KCNQ1: variants seen among roughly 807,000 people sequenced by gnomAD.
The protein encoded by KCNQ1 is potassium voltage-gated channel subfamily Q member 1, also known as potassium voltage-gated channel subfamily KQT member 1.
Under a neutral mutation model 72.4 loss-of-function variants are expected in KCNQ1, and 49 were observed. The observed-to-expected ratio is 0.68, with a 90% CI of 0.54 to 0.86. The LOEUF is 0.86. Ranked by LOEUF, KCNQ1 falls within the 40% of genes least tolerant of loss-of-function variation. The pLI is 0.00. For synonymous variants in KCNQ1, 450 were observed against 412.6 expected (o/e 1.09, Z -1.10); for missense variants, 790 against 945.1 (o/e 0.84, Z 2.15).
chr11:2,726,245 G>A (rs926002129), intron 11 of KCNQ1, among the ~76,000 whole-genome samples: 2 of 152,238 alleles, frequency 1.3e-5, no homozygotes, highest in South Asian at 2.1e-4. Flanking sequence ...CACGAGATGT[G>A]TGCTGACGTG....
Position 2,496,495 on chromosome 11 carries a change from C to CTTTTTTTTTTTTTTTTTTTTTTT in KCNQ1, c.387-31430_387-31408dup. Among the ~76,000 whole-genome samples, 52 of 29,844 alleles carry CTTTTTTTTTTTTTTTTTTTTTTT rather than the reference C, an allele frequency of 1.7e-3. 14 individuals carry two copies. The highest frequency in any genetic ancestry group is 2.1e-3 in the Admixed American group (3 of 1,438). The allele number at this position is 29,844 out of a possible 152,430, so 19.6% of individuals were successfully genotyped here. A position where few individuals can be genotyped will look rare whatever the true frequency, so the allele number is the denominator to read the frequency against. ...AAAATGGCTAGGATCACAACCCCTG[C>CTTTTTTTTTTTTTTTTTTTTTTT]TTTTTTTTTTTTTTTTTTTTTTTTT... On this transcript the variant is annotated intron_variant, in intron 1 of 15. Coordinates refer to ENST00000155840, the MANE Select transcript of KCNQ1 (RefSeq NM_000218.3).
intron 10 of KCNQ1, chr11:2,649,761 G>A (rs75662585): frequency 2.5e-5 from 10 of 398,340 alleles, no homozygotes; most frequent in African/African-American, 1.0e-4. Flanking sequence ...TGATGAAAAT[G>A]TGCCTCAGAG....
At chr11:2,778,307 C>T (rs988827654) in intron 15 of KCNQ1, among the ~76,000 whole-genome samples, 10 of 152,206 alleles carry the variant, frequency 6.6e-5, no homozygotes, top group South Asian at 2.1e-4. Flanking sequence ...ACCAAGTGCC[C>T]CCTCCCCCCA....
chr11:2,527,284 C>G (rs895632246), intron 1 of KCNQ1, among the ~76,000 whole-genome samples: 1 of 152,178 alleles, frequency 6.6e-6, no homozygotes, highest in African/African-American at 2.4e-5. Context: ...GAAGCAGACG[C>G]TTGGTGCAGG....
chr11:2,760,593 C>T (rs531697539), intron 11 of KCNQ1, among the ~76,000 whole-genome samples: 5 of 152,238 alleles, frequency 3.3e-5, no homozygotes, highest in East Asian at 1.9e-4. Context: ...GAGGAAGCCA[C>T]GGGCCTGGAG....
intron 10 of KCNQ1, chr11:2,618,671 G>C: frequency 2.5e-6 from 1 of 398,400 alleles, no homozygotes; most frequent in Non-Finnish European, 4.4e-6. Flanking sequence ...GAATTTCGTT[G>C]GCTACTTAAG....
Position 2,676,333 on chromosome 11 carries a change from A to G in KCNQ1, c.1514+14252A>G. On this transcript the variant is annotated intron_variant, in intron 11 of 15. Transcript: ENST00000155840. This position sits in a 1 kb window ranked among gnomAD's most constrained non-coding sequence, Gnocchi z 4.2. ...GTGATGGCTCTGAACAGTGTAGTTG[A>G]AGTGCTGTTTTCTCATGGTTGGGCT... 1 of 398,642 alleles carries G rather than the reference A, an allele frequency of 2.5e-6. No homozygotes were observed. Among genetic ancestry groups the G allele is most frequent in the Non-Finnish European group, 4.4e-6 (1 of 226,068 alleles). The allele number at this position is 398,642 out of a possible 1,614,324, so 24.7% of individuals were successfully genotyped here. A position where few individuals can be genotyped will look rare whatever the true frequency, so the allele number is the denominator to read the frequency against.
At chr11:2,518,110 C>T (rs976158850) in intron 1 of KCNQ1, among the ~76,000 whole-genome samples, 2 of 152,262 alleles carry the variant, frequency 1.3e-5, no homozygotes, top group Admixed American at 6.5e-5. Flanking sequence ...ACTTCACAAA[C>T]GTGCATCCCA....
At chr11:2,775,838 A>G in intron 12 of KCNQ1, 122 bp from the exon 13 acceptor site, 1 of 920,922 alleles carries the variant, frequency 1.1e-6, no homozygotes, top group Non-Finnish European at 1.7e-6. Context: ...TGCCATCACC[A>G]CATAGGCGAG....
intron 10 of KCNQ1, chr11:2,614,386 A>G (rs1849027198): frequency 7.5e-6 from 3 of 398,438 alleles, no homozygotes; most frequent in Non-Finnish European, 1.3e-5. Flanking sequence ...CCATTTCAAA[A>G]TGTACAATTC....
At chr11:2,512,789 T>G (rs1847231123) in intron 1 of KCNQ1, among the ~76,000 whole-genome samples, 2 of 151,990 alleles carry the variant, frequency 1.3e-5, no homozygotes, top group South Asian at 4.2e-4. Flanking sequence ...CCGCCTGGAG[T>G]TCAGGTAAAC....
chr11:2,620,239 G>A lies in KCNQ1; in HGVS notation c.1393+31385G>A, dbSNP rs951034798. ...TTTTTTTTTTATTTTTTTTTTAGAC[G>A]GAGTTTCGCTCTTGTTGCCCAGGCT... On this transcript the variant is annotated intron_variant, in intron 10 of 15. Transcript: ENST00000155840. This position sits in a 1 kb window ranked among gnomAD's most constrained non-coding sequence, Gnocchi z 4.5. 6 of 238,384 alleles carry A rather than the reference G, an allele frequency of 2.5e-5. No individual in the cohort carries two copies. The highest frequency in any genetic ancestry group is 8.3e-5 in the East Asian group (1 of 12,054). The allele number at this position is 238,384 out of a possible 1,614,324, so 14.8% of individuals were successfully genotyped here.
At position 2,599,773 on chromosome 11, in the gene KCNQ1, A is replaced by G. The variant is rs764250174; in HGVS notation, c.1393+10919A>G. ...CTGGTGTTTCTCTGTGTGTCCAAATATCCTTTTCTTTAAGGGCACCAGTCA... is the reference window on the plus strand; with the variant it reads ...CTGGTGTTTCTCTGTGTGTCCAAATGTCCTTTTCTTTAAGGGCACCAGTCA... On this transcript the variant is annotated intron_variant, in intron 10 of 15. Transcript: ENST00000155840. This position sits in a 1 kb window ranked among gnomAD's most constrained non-coding sequence, Gnocchi z 4.7. Among the ~76,000 whole-genome samples the G allele has an allele frequency of 3.0e-4, 45 of 152,046 alleles. No individual in the cohort carries two copies. Among genetic ancestry groups the G allele is most frequent in the Non-Finnish European group, 5.6e-4 (38 of 68,000 alleles).
Position 2,507,602 on chromosome 11 carries a change from T to C in KCNQ1, c.387-20326T>C, listed in dbSNP as rs1847126758. ...CAGGGTTGGGGCGAAGGAGTCCAGC[T>C]GGGGACATGTTATTTTGGAGGTGTT... On this transcript the variant is annotated intron_variant, in intron 1 of 15. Transcript: ENST00000155840. This position sits in a 1 kb window ranked among gnomAD's most constrained non-coding sequence, Gnocchi z 5.4. Among the ~76,000 whole-genome samples, 1 of 152,110 alleles carries C rather than the reference T, an allele frequency of 6.6e-6. No individual in the cohort carries two copies. Among genetic ancestry groups the C allele is most frequent in the South Asian group, 2.1e-4 (1 of 4,818 alleles).
chr11:2,498,032 C>T lies in KCNQ1; in HGVS notation c.387-29896C>T, dbSNP rs1015182667. On this transcript the variant is annotated intron_variant, in intron 1 of 15. Coordinates refer to ENST00000155840, the MANE Select transcript of KCNQ1 (RefSeq NM_000218.3). This position sits in a 1 kb window ranked among gnomAD's most constrained non-coding sequence, Gnocchi z 4.8. ...GAACAGCAAAGATTGCTGCCTACTC[C>T]TTCCTCTGGAAGCTTTGTCCCAGAA... Among the ~76,000 whole-genome samples the T allele has an allele frequency of 6.6e-6, 1 of 152,356 alleles. No homozygotes were observed. The highest frequency in any genetic ancestry group is 2.4e-5 in the African/African-American group (1 of 41,586).
chr11:2,799,246 G>A (rs1418264322), intron 15 of KCNQ1, among the ~76,000 whole-genome samples: 1 of 152,256 alleles, frequency 6.6e-6, no homozygotes, highest in Admixed American at 6.5e-5. Context: ...CACGGGGGCG[G>A]TGGTGCTCAG....
At chr11:2,743,717 A>T (rs909965272) in intron 11 of KCNQ1, among the ~76,000 whole-genome samples, 1 of 152,206 alleles carries the variant, frequency 6.6e-6, no homozygotes, top group Non-Finnish European at 1.5e-5. Flanking sequence ...AGCCTTCTTG[A>T]TTAGCCGCCA....
chr11:2,489,373 G>T (rs1846796758), intron 1 of KCNQ1, among the ~76,000 whole-genome samples: 1 of 152,188 alleles, frequency 6.6e-6, no homozygotes, highest in South Asian at 2.1e-4. Context: ...AGCCAGAGGG[G>T]AATCACATAT....
Position 2,673,889 on chromosome 11 carries a change from G to T in KCNQ1, c.1514+11808G>T. 5.0e-6 allele frequency: 2 copies of T among 398,466 alleles called. No individual in the cohort carries two copies. Among genetic ancestry groups the T allele is most frequent in the Non-Finnish European group, 4.4e-6 (1 of 226,138 alleles). 24.7% of individuals were successfully genotyped at this position (398,466 alleles called of 1,614,324 possible). ...GACTTCCTGAAAGCAGGCACAGGAA[G>T]GGATGGGAGCTCAGCTCACCGGGTG... On this transcript the variant is annotated intron_variant, in intron 11 of 15. Coordinates refer to ENST00000155840, the MANE Select transcript of KCNQ1 (RefSeq NM_000218.3). This position sits in a 1 kb window ranked among gnomAD's most constrained non-coding sequence, Gnocchi z 4.5.
Sources: allele counts gnomAD v4.1 joint callset (sites outside exome capture counted in the v4.1 genomes callset), GRCh38; gene constraint gnomAD v4.1.1; non-coding constraint Gnocchi (gnomAD v3.1); transcripts MANE v1.5; gene names NCBI Gene and HGNC (gene_info 2026-07-23, HGNC 2026-07-21).